The following TRPC4 variants were observed in gnomAD, a reference collection of about 807,000 sequenced individuals.
TRPC4 encodes the protein transient receptor potential cation channel subfamily C member 4.
In TRPC4, 49 loss-of-function variants were observed where a neutral mutation model predicts 99.4. That is an observed-to-expected ratio of 0.49 (90% CI 0.39 to 0.63). The LOEUF (loss-of-function observed/expected upper bound fraction) is 0.63, where lower values mean the gene tolerates loss of function less well. Ranked by LOEUF, TRPC4 falls within the 20% of genes least tolerant of loss-of-function variation. The pLI is 0.00. For synonymous variants in TRPC4, 454 were observed against 425.9 expected, an observed-to-expected ratio of 1.07 and a Z score of -0.81; for missense variants, 898 against 1,152.9, an observed-to-expected ratio of 0.78 and a Z score of 3.20.
intron 1 of TRPC4, among the ~76,000 whole-genome samples, chr13:37,813,546 AG>A (rs1957760851): frequency 6.6e-6 from 1 of 151,820 alleles, no homozygotes; most frequent in African/African-American, 2.4e-5. Flanking sequence ...AGACTTAAAC[AG>A]GGAACACTAC....
intron 2 of TRPC4, among the ~76,000 whole-genome samples, chr13:37,762,649 CAT>C (rs770872199): frequency 3.0e-4 from 42 of 141,340 alleles, no homozygotes; most frequent in South Asian, 6.5e-4. Flanking sequence ...TTCTCACTCA[CAT>C]GTGGGAATTG....
At chr13:37,787,860 T>C (rs1957010444) in intron 1 of TRPC4, among the ~76,000 whole-genome samples, 1 of 152,100 alleles carries the variant, frequency 6.6e-6, no homozygotes. Context: ...ATTGAACAAG[T>C]ACCACATAAA....
chr13:37,650,805 A>G (rs1316121744), intron 8 of TRPC4, among the ~76,000 whole-genome samples: 1 of 136,102 alleles, frequency 7.3e-6, no homozygotes, highest in East Asian at 2.0e-4. Context: ...CAAGCATAAA[A>G]TGCTTTGTGC....
intron 2 of TRPC4, among the ~76,000 whole-genome samples, chr13:37,753,609 A>AGAGAGAGAG (rs1566145539): frequency 3.8e-5 from 4 of 104,870 alleles, no homozygotes; most frequent in South Asian, 3.3e-4. Context: ...GAGAGAGAGA[A>AGAGAGAGAG]AGAAAGAAAG....
Position 37,651,267 on chromosome 13 carries a change from C to T in TRPC4, c.2077G>A (p.Gly693Arg). The T allele has an allele frequency of 1.9e-6, 3 of 1,614,080 alleles. No individual in the cohort carries two copies. In the South Asian group the frequency reaches 3.3e-5, roughly 18 times the overall value. The change falls in exon 8 of 11, where the codon GGG becomes AGG. Residue 693 changes from glycine (G) to arginine (R), a missense_variant and splice_region_variant. By Grantham distance (125) the Gly-to-Arg change is moderately radical. Transcript: ENST00000379705. ...ATACTAACATGCTGTGTTCTTACCC[C>T]TATTGTTCCAAAACTTTCTGGCTTT... is the stretch of plus-strand genomic sequence containing the variant. ...RRKPESFGTI[G>R]RRAADNLRRH...
chr13:37,739,285 C>A (rs1443208820), intron 3 of TRPC4, among the ~76,000 whole-genome samples: 1 of 152,052 alleles, frequency 6.6e-6, no homozygotes, highest in Non-Finnish European at 1.5e-5. Flanking sequence ...GGGAAAAGGA[C>A]ATGGTAATTG....
chr13:37,764,955 T>C (rs1253212955), intron 2 of TRPC4, among the ~76,000 whole-genome samples: 2 of 151,198 alleles, frequency 1.3e-5, no homozygotes, highest in African/African-American at 2.4e-5. Context: ...GAGCATATTT[T>C]TTTTCTTTCT....
At position 37,674,330 on chromosome 13, in the gene TRPC4, G is replaced by T; in HGVS notation, c.1272C>A (p.Gly424=). Residue 424 remains glycine, a synonymous_variant, in exon 5 of 11, where the codon GGC becomes GGA. Coordinates refer to ENST00000379705, the MANE Select transcript of TRPC4 (RefSeq NM_016179.4). ...IWGEIKQMWD[G]GLQDYIHDWW... ...AATCATGGATGTAGTCCTGAAGTCC[G>T]CCATCCCACATCTGTTTAATTTCTC... The T allele has an allele frequency of 6.2e-7, 1 of 1,606,742 alleles. No individual in the cohort carries two copies. The highest frequency in any genetic ancestry group is 8.5e-7 in the Non-Finnish European group (1 of 1,177,724).
intron 3 of TRPC4, among the ~76,000 whole-genome samples, chr13:37,711,391 G>T (rs944767861): frequency 3.3e-5 from 5 of 152,002 alleles, no homozygotes; most frequent in Middle Eastern, 3.4e-3. Flanking sequence ...TACAAATATT[G>T]TGACAATTAG....
chr13:37,644,924 CT>C (rs373307166), intron 8 of TRPC4, among the ~76,000 whole-genome samples: 23 of 140,588 alleles, frequency 1.6e-4, no homozygotes, highest in Admixed American at 2.2e-4. Context: ...CATTTTGCAG[CT>C]TTTTTTTTTG....
At chr13:37,725,293 G>A (rs1457642277) in intron 3 of TRPC4, among the ~76,000 whole-genome samples, 2 of 152,046 alleles carry the variant, frequency 1.3e-5, no homozygotes, top group Non-Finnish European at 2.9e-5. Context: ...CTCAGAAGAA[G>A]AGAGAAAGAG....
In TRPC4 at chr13:37,663,472, C is replaced by T. The variant is rs540496931; in HGVS notation, c.1632G>A (p.Thr544=). Residue 544 remains threonine, a synonymous_variant, in exon 6 of 11, where the codon ACG becomes ACA. Transcript: ENST00000379705. ...LNQLYFYYEE[T]KGLTCKGIRC... The stretch of plus-strand genomic sequence containing the variant: ...TTATGCCTTTGCAGGTTAACCCTTT[C>T]GTTTCTTCATAATAGAAGTACAATT... 1.1e-4 allele frequency: 179 copies of T among 1,614,116 alleles called. 1 individual carries two copies. In the Middle Eastern group the frequency reaches 2.3e-3, roughly 21 times the overall value.
In TRPC4 at chr13:37,717,971, T is replaced by C. The variant is rs958487343; in HGVS notation, c.898-25636A>G. 8.5e-5 allele frequency among the ~76,000 whole-genome samples: 13 copies of C among 152,256 alleles called. No individual in the cohort carries two copies. In the South Asian group the frequency reaches 2.5e-3, roughly 29 times the overall value. On this transcript the variant is annotated intron_variant, in intron 3 of 10. Coordinates refer to ENST00000379705, the MANE Select transcript of TRPC4 (RefSeq NM_016179.4). ...GGCCAATGAGTTTCTTATTTACTTA[T>C]TTGTTTGCTTGTATATAGCTAGTAG...
At chr13:37,827,570 C>G (rs1252957880) in intron 1 of TRPC4, among the ~76,000 whole-genome samples, 4 of 152,112 alleles carry the variant, frequency 2.6e-5, no homozygotes, top group South Asian at 2.1e-4. Context: ...GGGTGCCTCC[C>G]AGTTAGGCTG....
chr13:37,746,012 G>T lies in TRPC4; in HGVS notation c.822C>A (p.Asp274Glu). The T allele has an allele frequency of 6.2e-7, 1 of 1,613,728 alleles. No individual in the cohort carries two copies. Among genetic ancestry groups the T allele is most frequent in the South Asian group, 1.1e-5 (1 of 91,072 alleles). ...ELEIILNYRD[D>E]NSLIEEQSGN... Reference sequence around the variant, plus strand: ...CACTTTGTTCTTCTATGAGACTATTGTCATCTCGGTAATTAAGAATGATTT... The same window carrying T: ...CACTTTGTTCTTCTATGAGACTATTTTCATCTCGGTAATTAAGAATGATTT... Residue 274 changes from aspartate to glutamate, a missense_variant, in exon 3 of 11, where the codon GAC becomes GAA. This residue lies in a region of TRPC4 where 278 missense variants were observed against 346.6 expected (regional missense o/e 0.80). Transcript: ENST00000379705.
At chr13:37,831,524 T>C (rs1480790246) in intron 1 of TRPC4, among the ~76,000 whole-genome samples, 1 of 152,132 alleles carries the variant, frequency 6.6e-6, no homozygotes, top group East Asian at 1.9e-4. Flanking sequence ...GCAGTACTGC[T>C]CCTGGGTATA....
chr13:37,699,203 G>A (rs1333362), intron 3 of TRPC4, among the ~76,000 whole-genome samples: 83,642 of 151,754 alleles, frequency 0.55, 23,556 homozygotes, highest in African/African-American at 0.66. Context: ...GAATTAATAT[G>A]TGAAAAGTAT....
At chr13:37,659,122 A>G (rs1477866692) in intron 6 of TRPC4, among the ~76,000 whole-genome samples, 1 of 152,216 alleles carries the variant, frequency 6.6e-6, no homozygotes, top group Non-Finnish European at 1.5e-5. Context: ...TCTTTCAAAT[A>G]GCATGTTGAA....
At chr13:37,835,510 A>G (rs775504017) in intron 1 of TRPC4, among the ~76,000 whole-genome samples, 3 of 152,156 alleles carry the variant, frequency 2.0e-5, no homozygotes, top group Non-Finnish European at 4.4e-5. Flanking sequence ...ATATCCTGTC[A>G]CATGTCTTTC....
Sources: gnomAD v4.1 joint callset for allele counts (sites outside exome capture counted in the v4.1 genomes callset) on GRCh38, gnomAD v4.1.1 for gene constraint, gnomAD v4.1.1 regional missense constraint, MANE v1.5 for transcripts, NCBI Gene and HGNC (gene_info 2026-07-23, HGNC 2026-07-21) for gene names.